COL13A1: variants seen among roughly 807,000 people sequenced by gnomAD.
COL13A1 encodes collagen alpha-1(XIII) chain.
COL13A1 carries 89 observed loss-of-function variants against 130.9 expected under a neutral mutation model. That is an observed-to-expected ratio of 0.68 (90% CI 0.57 to 0.81). The LOEUF is 0.81. Ranked by LOEUF, COL13A1 falls within the 30% of genes least tolerant of loss-of-function variation. The probability of loss-of-function intolerance (pLI) is 0.00; values close to 1 mark genes in which losing one functional copy is unlikely to be tolerated. For synonymous variants in COL13A1, 402 were observed against 341.6 expected (o/e 1.18, Z -1.95); for missense variants, 879 against 934.6 (o/e 0.94, Z 0.78).
chr10:69,949,149 G>A (rs551630800), intron 38 of COL13A1, among the ~76,000 whole-genome samples: 1 of 152,258 alleles, frequency 6.6e-6, no homozygotes, highest in South Asian at 2.1e-4. Flanking sequence ...CAAATGTCCT[G>A]GAAGAGTCTC....
chr10:69,853,019 G>GT (rs1279503618), intron 2 of COL13A1, among the ~76,000 whole-genome samples: 1 of 152,178 alleles, frequency 6.6e-6, no homozygotes, highest in African/African-American at 2.4e-5. Context: ...CGGGGGAGCG[G>GT]GGGGAGGTAT....
At chr10:69,803,101 G>A (rs1293587203) in intron 1 of COL13A1, among the ~76,000 whole-genome samples, 1 of 152,228 alleles carries the variant, frequency 6.6e-6, no homozygotes. Flanking sequence ...AGCGGCAAGC[G>A]CGCCCAGAGG....
Position 69,909,475 on chromosome 10 carries a change from A to G in COL13A1, c.921+3653A>G, listed in dbSNP as rs567424711. Among the ~76,000 whole-genome samples, 30 of 152,352 alleles carry G rather than the reference A, an allele frequency of 2.0e-4. No homozygotes were observed. In the South Asian group the frequency reaches 5.2e-3, roughly 26 times the overall value. ...CTTTTCAGTAGGTGCCACTGGAGCC[A>G]CTAGCCTTGCAAAGCCAACAGCCCA... is the stretch of plus-strand genomic sequence containing the variant. On this transcript the variant is annotated intron_variant, in intron 17 of 40. Transcript: ENST00000645393.
intron 2 of COL13A1, among the ~76,000 whole-genome samples, chr10:69,834,732 G>A (rs183415410): frequency 1.3e-5 from 2 of 152,164 alleles, no homozygotes; most frequent in Admixed American, 6.5e-5. Context: ...AGAGCAGAAG[G>A]GGGGTAGGTT....
intron 35 of COL13A1, 144 bp downstream of exon 35, chr10:69,941,167 C>A: frequency 1.4e-6 from 2 of 1,390,054 alleles, no homozygotes; most frequent in Non-Finnish European, 2.0e-6. Flanking sequence ...GCCACTGATG[C>A]TCTGAAGTGC....
At chr10:69,876,636 A>AGAG (rs1478997445) in intron 5 of COL13A1, among the ~76,000 whole-genome samples, 1 of 152,220 alleles carries the variant, frequency 6.6e-6, no homozygotes, top group African/African-American at 2.4e-5. Context: ...CCAAGCCGTC[A>AGAG]CAGGCTCTGT....
At chr10:69,933,141 A>AAAAAAAAAAAAAAAAAAAAC (rs2066365120) in intron 31 of COL13A1, among the ~76,000 whole-genome samples, 1 of 130,630 alleles carries the variant, frequency 7.7e-6, no homozygotes, top group Non-Finnish European at 1.5e-5. Context: ...GCCTCAAAAA[A>AAAAAAAAAAAAAAAAAAAAC]AAAAAAAAAA....
At chr10:69,893,890 C>T (rs1351975323) in intron 10 of COL13A1, among the ~76,000 whole-genome samples, 3 of 152,212 alleles carry the variant, frequency 2.0e-5, no homozygotes, top group African/African-American at 7.2e-5. Context: ...CCTCCACCAG[C>T]CTTGGTGCAG....
At chr10:69,804,058 C>T (rs1840793637) in intron 1 of COL13A1, among the ~76,000 whole-genome samples, 1 of 152,058 alleles carries the variant, frequency 6.6e-6, no homozygotes, top group South Asian at 2.1e-4. Context: ...CTGCTGCTGT[C>T]AGCTCATTCC....
At chr10:69,825,837 C>G (rs796240035) in intron 2 of COL13A1, among the ~76,000 whole-genome samples, 49 of 152,320 alleles carry the variant, frequency 3.2e-4, no homozygotes, top group African/African-American at 9.6e-4. Context: ...CTGGGATCCT[C>G]CCTGTCCCAA....
rs1392999605 is a variant in COL13A1, at chr10:69,806,662, T to C, written c.294+3945T>C. 3.9e-5 allele frequency among the ~76,000 whole-genome samples: 6 copies of C among 152,312 alleles called. No homozygotes were observed. The South Asian group carries it at 1.0e-3, about 26-fold the overall frequency. ...CAAATGGAGAAAATCAGATGACACC[T>C]AGGACTGGGCAGCCGTGTGCAGTGA... On this transcript the variant is annotated intron_variant, in intron 1 of 40. Coordinates refer to ENST00000645393, the MANE Select transcript of COL13A1 (RefSeq NM_001368882.1).
chr10:69,832,025 AG>A (rs1309787666), intron 2 of COL13A1, among the ~76,000 whole-genome samples: 2 of 152,204 alleles, frequency 1.3e-5, no homozygotes, highest in Admixed American at 6.5e-5. Context: ...AAAGGGCTTC[AG>A]GTGACATGGG....
chr10:69,899,141 C>T (rs1486663231), intron 14 of COL13A1, among the ~76,000 whole-genome samples: 1 of 152,174 alleles, frequency 6.6e-6, no homozygotes, highest in Non-Finnish European at 1.5e-5. Flanking sequence ...GTCACACAGC[C>T]AGTACATTGC....
At chr10:69,804,973 G>A (rs1370219375) in intron 1 of COL13A1, among the ~76,000 whole-genome samples, 1 of 152,134 alleles carries the variant, frequency 6.6e-6, no homozygotes, top group Non-Finnish European at 1.5e-5. Context: ...ATGAATAGGA[G>A]TTTGCCAGGC....
At position 69,945,143 on chromosome 10, in the gene COL13A1, G is replaced by T. The variant is rs550429947; in HGVS notation, c.1969-528G>T. Reference sequence around the variant, plus strand: ...TCAGGGCTCGGAGGTCCCTGTGTGGGCATCCGTCGAGTTCTCTGCCTGTGT... The same window carrying T: ...TCAGGGCTCGGAGGTCCCTGTGTGGTCATCCGTCGAGTTCTCTGCCTGTGT... On this transcript the variant is annotated intron_variant, in intron 36 of 40. Coordinates refer to ENST00000645393, the MANE Select transcript of COL13A1 (RefSeq NM_001368882.1). Among the ~76,000 whole-genome samples, 5 of 152,076 alleles carry T rather than the reference G, an allele frequency of 3.3e-5. No homozygotes were observed. In the East Asian group the frequency reaches 9.7e-4, roughly 29 times the overall value.
chr10:69,877,746 C>T (rs1352937780), intron 5 of COL13A1: 15 of 330,158 alleles, frequency 4.5e-5, no homozygotes, highest in Middle Eastern at 9.5e-4. Flanking sequence ...CACACACACA[C>T]GTACGTGCCT....
In COL13A1 at chr10:69,931,236, G is replaced by A. The variant is rs1379704030; in HGVS notation, c.1683+684G>A. The A allele has an allele frequency of 4.6e-5, 21 of 455,686 alleles. No homozygotes were observed. The Admixed American group carries it at 4.9e-4, about 11-fold the overall frequency. 28.2% of individuals were successfully genotyped at this position (455,686 alleles called of 1,614,324 possible). ...CAGAGTGGCAGGATTGCCTAATCCA[G>A]CTGGGCTCCTGAGGTTTACAGTGAA... On this transcript the variant is annotated intron_variant, in intron 30 of 40. Transcript: ENST00000645393.
chr10:69,841,492 G>A (rs755310050), intron 2 of COL13A1, among the ~76,000 whole-genome samples: 12 of 152,202 alleles, frequency 7.9e-5, no homozygotes, highest in Admixed American at 1.3e-4. Context: ...GAATTGCCAT[G>A]CACAAAATCA....
At chr10:69,866,971 T>C (rs987174920) in intron 2 of COL13A1, among the ~76,000 whole-genome samples, 4 of 152,114 alleles carry the variant, frequency 2.6e-5, no homozygotes, top group Non-Finnish European at 5.9e-5. Flanking sequence ...GTGGCTCATG[T>C]TCCGCAGAAG....
Sources: allele counts gnomAD v4.1 joint callset (sites outside exome capture counted in the v4.1 genomes callset), GRCh38; gene constraint gnomAD v4.1.1; transcripts MANE v1.5; gene names NCBI Gene and HGNC (gene_info 2026-07-23, HGNC 2026-07-21).